The following FAF1 variants were observed in gnomAD, a reference collection of about 807,000 sequenced individuals.
FAF1 encodes Fas associated factor 1.
Under a neutral mutation model 92.5 loss-of-function variants are expected in FAF1, and 25 were observed. The ratio of observed to expected loss-of-function variants is 0.27; its 90% CI spans 0.20 to 0.38. FAF1 has a LOEUF of 0.38. FAF1 is among the 10% of genes least tolerant of loss of function. The probability of loss-of-function intolerance (pLI) is 1.00; values close to 1 mark genes in which losing one functional copy is unlikely to be tolerated. For synonymous variants in FAF1, 234 were observed against 273.2 expected (o/e 0.86, Z 1.42); for missense variants, 636 against 793.3 (o/e 0.80, Z 2.38).
At chr1:50,876,487 T>C (rs1265653643) in intron 1 of FAF1, among the ~76,000 whole-genome samples, 1 of 152,184 alleles carries the variant, frequency 6.6e-6, no homozygotes, top group East Asian at 1.9e-4. Context: ...CACACATACA[T>C]ACACACGTAC....
At chr1:50,451,061 C>A (rs754414391) in intron 18 of FAF1, among the ~76,000 whole-genome samples, 2 of 152,162 alleles carry the variant, frequency 1.3e-5, no homozygotes, top group Non-Finnish European at 2.9e-5. Flanking sequence ...ACAGATGCTC[C>A]TCTTTTCATT....
chr1:50,696,698 T>C (rs1005817788), intron 7 of FAF1, among the ~76,000 whole-genome samples: 1 of 152,140 alleles, frequency 6.6e-6, no homozygotes, highest in Non-Finnish European at 1.5e-5. Context: ...ACAAACAGAA[T>C]TGGTTTCTCT....
At chr1:50,569,640 T>C (rs1030578387) in intron 12 of FAF1, among the ~76,000 whole-genome samples, 4 of 152,174 alleles carry the variant, frequency 2.6e-5, no homozygotes, top group Non-Finnish European at 4.4e-5. Context: ...AGCTGTCCAC[T>C]TTTAAATCAG....
intron 3 of FAF1, among the ~76,000 whole-genome samples, chr1:50,797,632 G>A (rs1241435689): frequency 2.6e-5 from 4 of 152,224 alleles, no homozygotes; most frequent in South Asian, 2.1e-4. Flanking sequence ...CCAGGAAGTC[G>A]AGGCTGCAGG....
At chr1:50,884,928 G>A (rs139865151) in intron 1 of FAF1, among the ~76,000 whole-genome samples, 392 of 152,128 alleles carry the variant, frequency 2.6e-3, no homozygotes, top group Non-Finnish European at 4.5e-3. Context: ...CAGATTTTTC[G>A]TTACACCTTC....
At chr1:50,494,984 T>G (rs1416128253) in intron 15 of FAF1, among the ~76,000 whole-genome samples, 1 of 152,190 alleles carries the variant, frequency 6.6e-6, no homozygotes, top group Non-Finnish European at 1.5e-5. Flanking sequence ...AAAAAATTTT[T>G]TTTGAGTACA....
chr1:50,663,305 T>C (rs1334146139), intron 7 of FAF1, among the ~76,000 whole-genome samples: 1 of 151,690 alleles, frequency 6.6e-6, no homozygotes, highest in Non-Finnish European at 1.5e-5. Flanking sequence ...ACAGACCTAG[T>C]GTATAGAACA....
chr1:50,703,576 T>C (rs1227235245), intron 7 of FAF1, among the ~76,000 whole-genome samples: 1 of 152,118 alleles, frequency 6.6e-6, no homozygotes, highest in African/African-American at 2.4e-5. Flanking sequence ...AAAATATTAT[T>C]TTAAATTAAC....
chr1:50,695,375 T>TAA (rs759953014), intron 7 of FAF1, among the ~76,000 whole-genome samples: 1 of 144,990 alleles, frequency 6.9e-6, no homozygotes, highest in Non-Finnish European at 1.5e-5. Context: ...ACCATTGCAC[T>TAA]AAAAAAAAAA....
At chr1:50,501,538 G>A (rs1044299618) in intron 15 of FAF1, among the ~76,000 whole-genome samples, 2 of 152,006 alleles carry the variant, frequency 1.3e-5, no homozygotes, top group South Asian at 2.1e-4. Context: ...GCAGGCACCT[G>A]TAATCCCAGC....
intron 1 of FAF1, among the ~76,000 whole-genome samples, chr1:50,902,422 G>T (rs1174476291): frequency 6.6e-6 from 1 of 151,964 alleles, no homozygotes; most frequent in Non-Finnish European, 1.5e-5. Context: ...TAATACTCTG[G>T]ATACACTGGG....
intron 15 of FAF1, among the ~76,000 whole-genome samples, chr1:50,510,903 A>T (rs528399273): frequency 6.6e-6 from 1 of 152,170 alleles, no homozygotes; most frequent in Non-Finnish European, 1.5e-5. Context: ...TTTTTAACTC[A>T]GTGTCAAGTA....
At chr1:50,511,606 C>T (rs1365628957) in intron 15 of FAF1, among the ~76,000 whole-genome samples, 1 of 152,106 alleles carries the variant, frequency 6.6e-6, no homozygotes, top group Non-Finnish European at 1.5e-5. Flanking sequence ...CATAATATCC[C>T]GTGGTGTATA....
At chr1:50,859,754 A>T (rs1315984746) in intron 1 of FAF1, among the ~76,000 whole-genome samples, 1 of 151,666 alleles carries the variant, frequency 6.6e-6, no homozygotes. Context: ...AAAAACTAAA[A>T]TTCATATGGA....
intron 7 of FAF1, 48 bp from the exon 8 acceptor site, chr1:50,655,576 C>A: frequency 8.5e-7 from 1 of 1,170,554 alleles, no homozygotes; most frequent in Non-Finnish European, 1.3e-6. Context: ...TTTCACATGA[C>A]TTACAGTTTC....
chr1:50,607,320 T>C (rs1372163219), intron 8 of FAF1, among the ~76,000 whole-genome samples: 1 of 152,194 alleles, frequency 6.6e-6, no homozygotes, highest in Non-Finnish European at 1.5e-5. Flanking sequence ...CTGCCTCTTA[T>C]TCATTCTGTG....
intron 18 of FAF1, among the ~76,000 whole-genome samples, chr1:50,464,626 A>T (rs940149089): frequency 6.6e-6 from 1 of 152,262 alleles, no homozygotes; most frequent in Non-Finnish European, 1.5e-5. Flanking sequence ...AAGGCCAGAG[A>T]CAGGTCAAAA....
intron 6 of FAF1, among the ~76,000 whole-genome samples, chr1:50,724,454 C>T (rs1179986120): frequency 1.3e-5 from 2 of 151,968 alleles, no homozygotes; most frequent in South Asian, 2.1e-4. Context: ...CAGAATTTTT[C>T]GCTTATTGTA....
At chr1:50,488,912 T>A (rs1253524750) in intron 17 of FAF1, among the ~76,000 whole-genome samples, 2 of 152,240 alleles carry the variant, frequency 1.3e-5, no homozygotes, top group Non-Finnish European at 2.9e-5. Flanking sequence ...GAGTGCAGAC[T>A]AGGGTTTGTC....
Sources: allele counts gnomAD v4.1 joint callset (sites outside exome capture counted in the v4.1 genomes callset), GRCh38; gene constraint gnomAD v4.1.1; transcripts MANE v1.5; gene names NCBI Gene and HGNC (gene_info 2026-07-23, HGNC 2026-07-21).